SVEP1: variants seen among roughly 807,000 people sequenced by gnomAD.
SVEP1 encodes the protein sushi, von Willebrand factor type A, EGF and pentraxin domain-containing protein 1.
Under a neutral mutation model 367.3 loss-of-function variants are expected in SVEP1, and 164 were observed. The ratio of observed to expected loss-of-function variants is 0.45; its 90% CI spans 0.39 to 0.51. The LOEUF (loss-of-function observed/expected upper bound fraction) is 0.51, where lower values mean the gene tolerates loss of function less well. SVEP1 is among the 20% of genes least tolerant of loss of function. SVEP1 has a pLI of 0.00. For synonymous variants in SVEP1, 1,666 were observed against 1,611.6 expected (o/e 1.03, Z -0.81); for missense variants, 4,117 against 4,425.3 (o/e 0.93, Z 1.98).
At chr9:110,395,499 A>G (rs1366803148) in intron 40 of SVEP1, among the ~76,000 whole-genome samples, 1 of 152,206 alleles carries the variant, frequency 6.6e-6, no homozygotes, top group Non-Finnish European at 1.5e-5. Context: ...TTCACACATA[A>G]CAATATTAAC....
At position 110,499,193 on chromosome 9, in the gene SVEP1, G is replaced by C; in HGVS notation, c.1529C>G (p.Ser510Cys). 6.2e-7 allele frequency: 1 copy of C among 1,613,200 alleles called. No homozygotes were observed. The highest frequency in any genetic ancestry group is 8.5e-7 in the Non-Finnish European group (1 of 1,179,492). ...TFQMPKDVII[S>C]PHNCGKQPAK... ...TGGCTGCTTGCCACAGTTGTGGGGGGATATGATGACATCTTTGGGCATCTG... is the reference window on the plus strand; with the variant it reads ...TGGCTGCTTGCCACAGTTGTGGGGGCATATGATGACATCTTTGGGCATCTG... Residue 510 changes from serine to cysteine, a missense_variant, in exon 7 of 48, where the codon TCC becomes TGC. By Grantham distance (112) the Ser-to-Cys change is moderately radical. Transcript: ENST00000374469.
chr9:110,412,970 G>A (rs1828065691), intron 36 of SVEP1, among the ~76,000 whole-genome samples: 2 of 151,616 alleles, frequency 1.3e-5, no homozygotes, highest in East Asian at 1.9e-4. Flanking sequence ...AACCATTGTG[G>A]AAGTCAGTGT....
chr9:110,386,216 T>C (rs757248359), intron 42 of SVEP1, 142 bp from the exon 43 acceptor site: 105 of 826,784 alleles, frequency 1.3e-4, no homozygotes, highest in Admixed American at 4.1e-4. Context: ...CTCCAAACAT[T>C]AGACACAGAC....
intron 1 of SVEP1, among the ~76,000 whole-genome samples, chr9:110,551,678 T>TA (rs1830288912): frequency 2.0e-5 from 3 of 152,246 alleles, no homozygotes; most frequent in East Asian, 3.9e-4. Context: ...TCTTGGCTCT[T>TA]AAAGTTTAAA....
chr9:110,530,451 A>G (rs772766682), intron 3 of SVEP1, among the ~76,000 whole-genome samples: 2 of 152,190 alleles, frequency 1.3e-5, no homozygotes. Context: ...AAAAGTATAC[A>G]TAAGTATTAT....
intron 26 of SVEP1, among the ~76,000 whole-genome samples, chr9:110,445,253 G>A (rs1241000633): frequency 6.6e-6 from 1 of 152,140 alleles, no homozygotes; most frequent in Non-Finnish European, 1.5e-5. Context: ...GTGGCTCTTT[G>A]GCAAGACTCT....
chr9:110,530,495 T>G (rs1341769634), intron 3 of SVEP1, among the ~76,000 whole-genome samples: 3 of 152,140 alleles, frequency 2.0e-5, no homozygotes, highest in Non-Finnish European at 4.4e-5. Context: ...CCTGCATAAA[T>G]TCATAAATTG....
intron 40 of SVEP1, among the ~76,000 whole-genome samples, chr9:110,399,674 C>CA (rs1307835617): frequency 6.6e-6 from 1 of 151,992 alleles, no homozygotes; most frequent in Non-Finnish European, 1.5e-5. Flanking sequence ...GCTGGGACTA[C>CA]AGGCACATTC....
intron 3 of SVEP1, 144 bp from the exon 4 acceptor site, chr9:110,514,250 G>A (rs1188240815): frequency 1.3e-5 from 14 of 1,060,686 alleles, no homozygotes; most frequent in East Asian, 5.3e-5. Context: ...GGTGGCTCAC[G>A]CCTGTAATCC....
Position 110,413,698 on chromosome 9 carries a change from C to G in SVEP1, c.5976-1963G>C, listed in dbSNP as rs1395838941. On this transcript the variant is annotated intron_variant, in intron 36 of 47. Transcript: ENST00000374469. Reference sequence around the variant, plus strand: ...ACTTACAAAAATCTAAAATTACTCTCAAGTGTTCTGTCAATGAGATAGAAC... The same window carrying G: ...ACTTACAAAAATCTAAAATTACTCTGAAGTGTTCTGTCAATGAGATAGAAC... Among the ~76,000 whole-genome samples, 4 of 151,918 alleles carry G rather than the reference C, an allele frequency of 2.6e-5. No individual in the cohort carries two copies. The East Asian group carries it at 5.8e-4, about 22-fold the overall frequency.
At chr9:110,486,487 C>A (rs942206842) in intron 9 of SVEP1, among the ~76,000 whole-genome samples, 1 of 152,100 alleles carries the variant, frequency 6.6e-6, no homozygotes, top group Non-Finnish European at 1.5e-5. Context: ...ACACCAACAC[C>A]CTGAAGAAAA....
chr9:110,481,175 T>C (rs900399744), intron 12 of SVEP1, 67 bp downstream of exon 12: 2 of 1,241,652 alleles, frequency 1.6e-6, no homozygotes, highest in African/African-American at 3.1e-5. Context: ...AATTTTCCTC[T>C]TTAACACTTA....
chr9:110,509,940 T>C (rs576517942), intron 5 of SVEP1, among the ~76,000 whole-genome samples: 2 of 152,336 alleles, frequency 1.3e-5, no homozygotes, highest in Admixed American at 6.5e-5. Context: ...TTGGGAAATA[T>C]GTTTGCCAGA....
intron 27 of SVEP1, 92 bp from the exon 28 acceptor site, chr9:110,436,596 C>G (rs953833320): frequency 8.4e-6 from 12 of 1,435,698 alleles, no homozygotes; most frequent in Non-Finnish European, 1.1e-5. Flanking sequence ...ACGACTGATA[C>G]AAATAAATGA....
chr9:110,578,968 G>A (rs1485085423), intron 1 of SVEP1, 45 bp downstream of exon 1: 1 of 1,533,854 alleles, frequency 6.5e-7, no homozygotes, highest in East Asian at 2.5e-5. Context: ...GTGGGTCGAA[G>A]GGCCCGGGGA....
chr9:110,437,277 A>T (rs1007693616), intron 27 of SVEP1, among the ~76,000 whole-genome samples: 2 of 152,160 alleles, frequency 1.3e-5, no homozygotes, highest in Non-Finnish European at 2.9e-5. Flanking sequence ...TTCTGAAGAG[A>T]TCAGAGGATT....
chr9:110,427,364 G>A (rs1298451007), intron 36 of SVEP1, among the ~76,000 whole-genome samples: 2 of 149,658 alleles, frequency 1.3e-5, no homozygotes, highest in South Asian at 2.1e-4. Context: ...ATTGCCCAAT[G>A]TCCATTATTG....
chr9:110,372,633 T>C (rs1827295323), intron 46 of SVEP1, among the ~76,000 whole-genome samples: 1 of 152,324 alleles, frequency 6.6e-6, no homozygotes, highest in African/African-American at 2.4e-5. Context: ...TGAACAAGTT[T>C]AGAGATCAGA....
At chr9:110,538,044 G>A (rs1830100485) in intron 3 of SVEP1, among the ~76,000 whole-genome samples, 1 of 151,862 alleles carries the variant, frequency 6.6e-6, no homozygotes, top group African/African-American at 2.4e-5. Context: ...GAGAATTCTT[G>A]GCAACTGTAT....
Sources: gnomAD v4.1 joint callset for allele counts (sites outside exome capture counted in the v4.1 genomes callset) on GRCh38, gnomAD v4.1.1 for gene constraint, MANE v1.5 for transcripts, NCBI Gene and HGNC (gene_info 2026-07-23, HGNC 2026-07-21) for gene names.